The following ADGRL3 variants were observed in gnomAD, a reference collection of about 807,000 sequenced individuals.
ADGRL3 encodes calcium-independent alpha-latrotoxin receptor 3.
A neutral mutation model predicts 153.5 loss-of-function variants in ADGRL3; 62 were observed. The ratio of observed to expected loss-of-function variants is 0.40; its 90% CI spans 0.33 to 0.50. The LOEUF (loss-of-function observed/expected upper bound fraction) is 0.50, where lower values mean the gene tolerates loss of function less well. Among genes scored for constraint, ADGRL3 ranks in the 20% least tolerant of loss-of-function variants. ADGRL3 has a pLI of 0.47. For missense variants in ADGRL3, 1,641 were observed against 1,859.4 expected (o/e 0.88, Z 2.16); for synonymous variants, 710 against 672.5 (o/e 1.06, Z -0.86).
At chr4:61,538,583 G>C (rs1275134613) in intron 4 of ADGRL3, among the ~76,000 whole-genome samples, 2 of 152,180 alleles carry the variant, frequency 1.3e-5, no homozygotes, top group Middle Eastern at 3.4e-3. Context: ...GGGATTACAG[G>C]CATGCACCAC....
Position 61,627,411 on chromosome 4 carries a change from C to T in ADGRL3, c.473+39971C>T, listed in dbSNP as rs141385693. Among the ~76,000 whole-genome samples, 23 of 152,040 alleles carry T rather than the reference C, an allele frequency of 1.5e-4. No homozygotes were observed. The East Asian group carries it at 2.7e-3, about 18-fold the overall frequency. ...GGCGGATCACCTGAGGTCAGGAGTC[C>T]GATGACCAACCATGGTCTGGCCAAC... is the stretch of plus-strand genomic sequence containing the variant. On this transcript the variant is annotated intron_variant, in intron 5 of 26. Coordinates refer to ENST00000683033, the MANE Select transcript of ADGRL3 (RefSeq NM_001387552.1).
chr4:62,070,711 G>C lies in ADGRL3; in HGVS notation c.4435G>C (p.Ala1479Pro). The C allele has an allele frequency of 1.3e-6, 2 of 1,551,602 alleles. No individual in the cohort carries two copies. The highest frequency in any genetic ancestry group is 1.7e-6 in the Non-Finnish European group (2 of 1,146,956). ...TTSTQTEPPPAKCGDAEDVYY... is the reference protein window; with the variant it reads ...TTSTQTEPPPPKCGDAEDVYY... ...CAGCACCCAGACCGAACCCCCACCG[G>C]CCAAATGTGGTGATGCCGAAGATGT... Residue 1479 changes from alanine to proline, a missense_variant, in exon 27 of 27, where the codon GCC becomes CCC. By Grantham distance (27) the Ala-to-Pro change is conservative (BLOSUM62 -1). This residue lies in a region of ADGRL3 where 517 missense variants were observed against 555.0 expected (regional missense o/e 0.93). Coordinates refer to ENST00000683033, the MANE Select transcript of ADGRL3 (RefSeq NM_001387552.1).
intron 1 of ADGRL3, among the ~76,000 whole-genome samples, chr4:61,242,511 G>A (rs1310759305): frequency 1.3e-5 from 2 of 151,918 alleles, no homozygotes; most frequent in East Asian, 1.9e-4. Flanking sequence ...CATTTACACT[G>A]TTTTAAACAT....
intron 17 of ADGRL3, among the ~76,000 whole-genome samples, chr4:61,963,326 G>C (rs1279209899): frequency 6.6e-6 from 1 of 151,326 alleles, no homozygotes; most frequent in Admixed American, 6.6e-5. Flanking sequence ...TAAATTGCAT[G>C]TCACAGGGTC....
chr4:61,483,080 C>T (rs1434668545), intron 2 of ADGRL3, among the ~76,000 whole-genome samples: 1 of 152,068 alleles, frequency 6.6e-6, no homozygotes, highest in East Asian at 1.9e-4. Context: ...TATGTTTGTC[C>T]ACTTTTGTAT....
At chr4:61,334,007 G>A (rs1029327975) in intron 1 of ADGRL3, among the ~76,000 whole-genome samples, 3 of 150,516 alleles carry the variant, frequency 2.0e-5, no homozygotes, top group East Asian at 2.0e-4. Flanking sequence ...TCTCTGCCTC[G>A]CTGGTCCAAG....
chr4:61,842,633 A>T (rs904930656), intron 9 of ADGRL3, among the ~76,000 whole-genome samples: 4 of 152,184 alleles, frequency 2.6e-5, no homozygotes, highest in African/African-American at 9.7e-5. Context: ...CCTTAAAAAA[A>T]ATCGACTATG....
At chr4:61,586,500 T>C (rs1324237669) in intron 4 of ADGRL3, among the ~76,000 whole-genome samples, 2 of 152,016 alleles carry the variant, frequency 1.3e-5, no homozygotes, top group Non-Finnish European at 2.9e-5. Context: ...TCAAACAATA[T>C]GTATAGTGTG....
intron 1 of ADGRL3, among the ~76,000 whole-genome samples, chr4:61,284,224 A>C (rs1399629860): frequency 6.6e-6 from 1 of 151,966 alleles, no homozygotes; most frequent in African/African-American, 2.4e-5. Flanking sequence ...CTAAGGTGAG[A>C]GATACCTTTG....
At chr4:61,317,423 A>C (rs2095248332) in intron 1 of ADGRL3, among the ~76,000 whole-genome samples, 1 of 152,152 alleles carries the variant, frequency 6.6e-6, no homozygotes, top group Admixed American at 6.5e-5. Context: ...AACACTTTTC[A>C]CATGTATTTC....
chr4:61,584,209 C>T (rs751882516), intron 4 of ADGRL3, among the ~76,000 whole-genome samples: 31 of 151,912 alleles, frequency 2.0e-4, no homozygotes, highest in Non-Finnish European at 2.6e-4. Context: ...AACAAATTCC[C>T]GTAAACAAAG....
intron 2 of ADGRL3, among the ~76,000 whole-genome samples, chr4:61,467,476 G>T (rs529851603): frequency 6.6e-6 from 1 of 151,222 alleles, no homozygotes; most frequent in African/African-American, 2.4e-5. Context: ...TCAGATGTGG[G>T]TGTGTGTGTG....
chr4:61,885,930 A>G (rs2098536285), intron 9 of ADGRL3, among the ~76,000 whole-genome samples: 1 of 152,196 alleles, frequency 6.6e-6, no homozygotes, highest in African/African-American at 2.4e-5. Context: ...TATGCACCAG[A>G]TAATATAAAT....
chr4:61,623,572 C>T (rs1274151170), intron 5 of ADGRL3, among the ~76,000 whole-genome samples: 1 of 152,066 alleles, frequency 6.6e-6, no homozygotes, highest in Non-Finnish European at 1.5e-5. Flanking sequence ...TTTCATATTT[C>T]AAGAACTGAT....
Position 61,711,630 on chromosome 4 carries a change from T to C in ADGRL3, c.584-18992T>C, listed in dbSNP as rs534452990. 4.6e-5 allele frequency among the ~76,000 whole-genome samples: 7 copies of C among 150,976 alleles called. No homozygotes were observed. The South Asian group carries it at 1.3e-3, about 27-fold the overall frequency. On this transcript the variant is annotated intron_variant, in intron 6 of 26. Transcript: ENST00000683033. ...GTACCAGAATAGGTTCAGAGTAGCT[T>C]TGGGGCTGCCACATGATTGGATAAC...
intron 23 of ADGRL3, among the ~76,000 whole-genome samples, chr4:62,035,491 C>T (rs575978504): frequency 4.6e-5 from 7 of 151,988 alleles, no homozygotes; most frequent in East Asian, 1.9e-4. Context: ...GAAAATAATG[C>T]GGGATGTTGC....
intron 13 of ADGRL3, among the ~76,000 whole-genome samples, chr4:61,914,270 C>T (rs1480984658): frequency 2.0e-5 from 3 of 152,060 alleles, no homozygotes; most frequent in East Asian, 1.9e-4. Context: ...GTGTCTATTA[C>T]GATTATGCGT....
At chr4:61,251,050 T>A (rs978179197) in intron 1 of ADGRL3, among the ~76,000 whole-genome samples, 2 of 152,184 alleles carry the variant, frequency 1.3e-5, no homozygotes, top group Non-Finnish European at 2.9e-5. Context: ...ATAAAAAACT[T>A]CCCAAATCTA....
At chr4:61,362,332 A>G (rs1578433638) in intron 1 of ADGRL3, among the ~76,000 whole-genome samples, 2 of 150,216 alleles carry the variant, frequency 1.3e-5, no homozygotes, top group East Asian at 3.9e-4. Context: ...AAAATTATAT[A>G]TATATATATA....
Sources: allele counts gnomAD v4.1 joint callset (sites outside exome capture counted in the v4.1 genomes callset), GRCh38; gene constraint gnomAD v4.1.1; regional missense constraint gnomAD v4.1.1; transcripts MANE v1.5; gene names NCBI Gene and HGNC (gene_info 2026-07-23, HGNC 2026-07-21).